IL10RA: variants seen among roughly 807,000 people sequenced by gnomAD.
The protein encoded by IL10RA is interleukin-10 receptor subunit alpha.
IL10RA carries 18 observed loss-of-function variants against 29.6 expected under a neutral mutation model. The ratio of observed to expected loss-of-function variants is 0.61; its 90% CI spans 0.42 to 0.90. The LOEUF (loss-of-function observed/expected upper bound fraction) is 0.90, where lower values mean the gene tolerates loss of function less well. Ranked by LOEUF, IL10RA falls within the 40% of genes least tolerant of loss-of-function variation. The probability of loss-of-function intolerance (pLI) is 0.00; values close to 1 mark genes in which losing one functional copy is unlikely to be tolerated. For missense variants in IL10RA, 634 were observed against 716.6 expected, an observed-to-expected ratio of 0.88 and a Z score of 1.32; for synonymous variants, 292 against 294.1, an observed-to-expected ratio of 0.99 and a Z score of 0.07.
At chr11:117,994,551 A>G (rs746221904) in intron 5 of IL10RA, among the ~76,000 whole-genome samples, 1 of 152,054 alleles carries the variant, frequency 6.6e-6, no homozygotes, top group Non-Finnish European at 1.5e-5. Context: ...TACTTCCCCT[A>G]CTCTGCTCTG....
intron 1 of IL10RA, 71 bp from the exon 2 acceptor site, chr11:117,988,311 T>C (rs2058000139): frequency 6.2e-7 from 1 of 1,603,232 alleles, no homozygotes; most frequent in African/African-American, 1.3e-5. Context: ...CTCCCTTTCT[T>C]CTTTGGTAAA....
At chr11:117,997,724 G>A (rs1043737600) in intron 6 of IL10RA, among the ~76,000 whole-genome samples, 9 of 152,214 alleles carry the variant, frequency 5.9e-5, no homozygotes, top group African/African-American at 1.9e-4. Context: ...GAGTAAGTGA[G>A]TGTGTGTATG....
downstream of IL10RA, chr11:118,001,485 C>T (rs2058095285): frequency 2.5e-6 from 1 of 407,570 alleles, no homozygotes; most frequent in South Asian, 1.8e-5. Flanking sequence ...CCACAGGAAT[C>T]GTGTGAAACT....
intron 3 of IL10RA, among the ~76,000 whole-genome samples, chr11:117,991,573 T>C (rs1157038984): frequency 6.6e-6 from 1 of 152,186 alleles, no homozygotes; most frequent in Non-Finnish European, 1.5e-5. Context: ...CCTTCCAGCT[T>C]CTGGTAACCA....
At chr11:117,997,187 T>G (rs1192150450) in intron 6 of IL10RA, among the ~76,000 whole-genome samples, 1 of 152,250 alleles carries the variant, frequency 6.6e-6, no homozygotes, top group Non-Finnish European at 1.5e-5. Context: ...ATTTAACTTC[T>G]CTGAGCTTCA....
chr11:117,988,736 C>T (rs2058004326), intron 2 of IL10RA, among the ~76,000 whole-genome samples: 1 of 152,046 alleles, frequency 6.6e-6, no homozygotes. Context: ...AAGCCTTGTG[C>T]CAAGGCTTTT....
rs2058006252 is a variant in IL10RA at position 117,989,068 on chromosome 11, C to G, written c.189-374C>G. Among the ~76,000 whole-genome samples, 4 of 152,204 alleles carry G rather than the reference C, an allele frequency of 2.6e-5. No homozygotes were observed. On this transcript the variant is annotated intron_variant, in intron 2 of 6. Transcript: ENST00000227752. The surrounding 1 kb of genome is among the most constrained non-coding windows in gnomAD (Gnocchi z 4.5). ...GAGCCACCACCTCCGGCCTCCAAGG[C>G]TTTTCTATCTTACTGGAAAAGGAGA...
In IL10RA at chr11:118,001,232, A is replaced by G. The variant is rs1046674775; in HGVS notation, c.*1591A>G. 2.2e-6 allele frequency: 1 copy of G among 454,214 alleles called. No homozygotes were observed. The highest frequency in any genetic ancestry group is 2.3e-5 in the Admixed American group (1 of 42,578). The allele number at this position is 454,214 out of a possible 1,614,324, so 28.1% of individuals were successfully genotyped here. A position where few individuals can be genotyped will look rare whatever the true frequency, so the allele number is the denominator to read the frequency against. Reference sequence around the variant, plus strand: ...TGGAGAGGCAGCATTGCACAGTGAAAGAATTCTGGATATCTCAGGAGCCCC... The same window carrying G: ...TGGAGAGGCAGCATTGCACAGTGAAGGAATTCTGGATATCTCAGGAGCCCC... On this transcript the variant is annotated 3_prime_UTR_variant, in exon 7 of 7. Coordinates refer to ENST00000227752, the MANE Select transcript of IL10RA (RefSeq NM_001558.4).
intron 6 of IL10RA, among the ~76,000 whole-genome samples, chr11:117,996,797 G>T (rs1444633331): frequency 6.6e-6 from 1 of 152,192 alleles, no homozygotes; most frequent in Non-Finnish European, 1.5e-5. Context: ...TGACCAGGCT[G>T]GTCTCGAACT....
chr11:117,994,213 A>G, intron 5 of IL10RA, 64 bp downstream of exon 5: 3 of 1,474,678 alleles, frequency 2.0e-6, no homozygotes, highest in Non-Finnish European at 2.8e-6. Flanking sequence ...GCAATCCAAA[A>G]CGCGTGCACC....
In IL10RA at chr11:117,999,472, GGT is replaced by G; in HGVS notation, c.1569_1570del (p.Trp523CysfsTer10). The G allele has an allele frequency of 6.2e-7, 1 of 1,614,204 alleles. No individual in the cohort carries two copies. Among genetic ancestry groups the G allele is most frequent in the Non-Finnish European group, 8.5e-7 (1 of 1,180,022 alleles). Reference sequence around the variant, plus strand: ...CAGTGGAACCAGCCCACTGAGGAATGGTCACTCCTGGCCTTGAGCAGCTGCAG... The same window carrying G: ...CAGTGGAACCAGCCCACTGAGGAATGCACTCCTGGCCTTGAGCAGCTGCAG... On this transcript the variant is annotated frameshift_variant, in exon 7 of 7. Coordinates refer to ENST00000227752, the MANE Select transcript of IL10RA (RefSeq NM_001558.4). LOFTEE classifies it low-confidence loss of function (END_TRUNC).
At chr11:117,993,151 A>T in intron 3 of IL10RA, 90 bp from the exon 4 acceptor site, 2 of 1,224,666 alleles carry the variant, frequency 1.6e-6, no homozygotes, top group Non-Finnish European at 2.4e-6. Context: ...AATTAAGCTT[A>T]ATTCTGGAGG....
downstream of IL10RA, chr11:118,002,800 G>T (rs1346252955): frequency 6.6e-6 from 1 of 152,240 alleles, no homozygotes; most frequent in Non-Finnish European, 1.5e-5. Context: ...CTTCCAAGCA[G>T]CCGGGGCTGA....
At chr11:117,986,769 C>A in intron 1 of IL10RA, 1 of 1,529,900 alleles carries the variant, frequency 6.5e-7, no homozygotes. Flanking sequence ...CAAGGCCAAA[C>A]CCCCAACCCG....
rs576658597 is a variant in IL10RA at position 117,996,080 on chromosome 11, AC to A, written c.810+371del. Among the ~76,000 whole-genome samples, 29 of 152,344 alleles carry A rather than the reference AC, an allele frequency of 1.9e-4. 1 individual carries two copies. The South Asian group carries it at 6.0e-3, about 32-fold the overall frequency. On this transcript the variant is annotated intron_variant, in intron 6 of 6. Coordinates refer to ENST00000227752, the MANE Select transcript of IL10RA (RefSeq NM_001558.4). ...ATTTCATAAGTGAGGAAACTGAGGC[AC>A]AGAGAGATTGTTACACACAGAGGGC...
chr11:117,993,966 G>C (rs766109710), intron 4 of IL10RA, 33 bp from the exon 5 acceptor site: 1 of 1,603,674 alleles, frequency 6.2e-7, no homozygotes. Context: ...TGAAATAAAA[G>C]GATTTTGTTA....
At chr11:117,988,328 G>A (rs2058000362) in intron 1 of IL10RA, 54 bp from the exon 2 acceptor site, 2 of 1,611,678 alleles carry the variant, frequency 1.2e-6, no homozygotes, top group East Asian at 2.2e-5. Flanking sequence ...TAAAATTGGG[G>A]TCATCAATGC....
At chr11:118,001,686 A>G, downstream of IL10RA, 1 of 291,220 alleles carries the variant, frequency 3.4e-6, no homozygotes, top group Non-Finnish European at 6.7e-6. Flanking sequence ...ATCCTCTCCA[A>G]GTTTTAATTT....
intron 5 of IL10RA, 126 bp downstream of exon 5, chr11:117,994,275 A>G: frequency 2.7e-6 from 2 of 752,494 alleles, no homozygotes; most frequent in Non-Finnish European, 2.2e-6. Context: ...ATAGCTCTGC[A>G]TCCTTAATAG....
Sources: gnomAD v4.1 joint callset for allele counts (sites outside exome capture counted in the v4.1 genomes callset) on GRCh38, gnomAD v4.1.1 for gene constraint, Gnocchi (gnomAD v3.1) non-coding constraint, MANE v1.5 for transcripts, NCBI Gene and HGNC (gene_info 2026-07-23, HGNC 2026-07-21) for gene names.